The following VPS8 variants were observed in gnomAD, a reference collection of about 807,000 sequenced individuals.
The protein encoded by VPS8 is VPS8 subunit of CORVET complex.
Under a neutral mutation model 216.4 loss-of-function variants are expected in VPS8, and 129 were observed. The observed-to-expected ratio is 0.60, with a 90% CI of 0.52 to 0.69. VPS8 has a LOEUF of 0.69. VPS8 is among the 30% of genes least tolerant of loss of function. VPS8 has a pLI of 0.00. For missense variants in VPS8, 1,531 were observed against 1,683.5 expected, an observed-to-expected ratio of 0.91 and a Z score of 1.59; for synonymous variants, 571 against 565.4, an observed-to-expected ratio of 1.01 and a Z score of -0.14.
At chr3:184,994,169 CAGTT>C in intron 43 of VPS8, 106 bp downstream of exon 43, 1 of 780,936 alleles carries the variant, frequency 1.3e-6, no homozygotes, top group East Asian at 3.1e-5. Context: ...TATTTACTGG[CAGTT>C]AGGTAGACTG....
intron 40 of VPS8, among the ~76,000 whole-genome samples, chr3:184,980,514 T>C (rs1750025632): frequency 6.6e-6 from 1 of 152,182 alleles, no homozygotes; most frequent in Non-Finnish European, 1.5e-5. Context: ...TCTTTGTTTT[T>C]GCCTTTATTT....
intron 47 of VPS8, among the ~76,000 whole-genome samples, chr3:185,048,881 G>C (rs1271687278): frequency 6.6e-6 from 1 of 152,222 alleles, no homozygotes; most frequent in East Asian, 1.9e-4. Context: ...GATATGGATA[G>C]GTGCCCAATC....
intron 1 of VPS8, among the ~76,000 whole-genome samples, chr3:184,814,918 T>C (rs186204342): frequency 7.2e-5 from 11 of 152,372 alleles, no homozygotes; most frequent in African/African-American, 2.6e-4. Context: ...TAGCTTAAAA[T>C]ACAAACACAT....
At chr3:184,844,187 C>A (rs1316338634) in intron 8 of VPS8, among the ~76,000 whole-genome samples, 1 of 152,000 alleles carries the variant, frequency 6.6e-6, no homozygotes, top group Admixed American at 6.6e-5. Flanking sequence ...TTTAGGTGGC[C>A]GAGGTGGGCA....
intron 10 of VPS8, 120 bp downstream of exon 10, chr3:184,850,142 C>G: frequency 1.4e-6 from 1 of 725,934 alleles, no homozygotes. Context: ...TGAAGCTGAA[C>G]ATTACCTTAT....
At chr3:184,970,383 T>C (rs563557758) in intron 39 of VPS8, among the ~76,000 whole-genome samples, 3 of 152,294 alleles carry the variant, frequency 2.0e-5, no homozygotes, top group Non-Finnish European at 2.9e-5. Context: ...TAAAACCTTG[T>C]AGTACCAGTA....
chr3:184,836,523 T>C (rs1194116063), intron 5 of VPS8, among the ~76,000 whole-genome samples: 2 of 152,210 alleles, frequency 1.3e-5, no homozygotes, highest in African/African-American at 4.8e-5. Flanking sequence ...TTCTAATAAA[T>C]CCCAGAGTGT....
intron 28 of VPS8, among the ~76,000 whole-genome samples, chr3:184,919,841 T>A (rs1272518904): frequency 6.6e-6 from 1 of 152,176 alleles, no homozygotes; most frequent in Non-Finnish European, 1.5e-5. Context: ...TCATTAGTGT[T>A]ATCGCTCTCT....
chr3:184,812,250 C>G (rs1715276663), intron 1 of VPS8, 25 bp downstream of exon 1: 1 of 152,292 alleles, frequency 6.6e-6, no homozygotes, highest in Admixed American at 6.5e-5. Context: ...GAGAGCGGGC[C>G]CGTGGAAGGA....
chr3:184,953,901 G>A (rs1745141177), intron 36 of VPS8, among the ~76,000 whole-genome samples: 1 of 152,082 alleles, frequency 6.6e-6, no homozygotes, highest in African/African-American at 2.4e-5. Flanking sequence ...AAGTTGGTTG[G>A]GGAGCTTAGG....
intron 36 of VPS8, among the ~76,000 whole-genome samples, chr3:184,951,464 G>A (rs887360522): frequency 1.3e-5 from 2 of 150,008 alleles, no homozygotes; most frequent in Non-Finnish European, 3.0e-5. Flanking sequence ...CAGCCAGGAC[G>A]ACAGAGTGAG....
chr3:185,008,424 T>G (rs4686954), intron 45 of VPS8, among the ~76,000 whole-genome samples: 151,921 of 152,302 alleles, frequency 1, 75,772 homozygotes, highest in Non-Finnish European at 1. Flanking sequence ...CTATCATGTA[T>G]CTTGCCATCT....
intron 36 of VPS8, among the ~76,000 whole-genome samples, 171 bp downstream of exon 36, chr3:184,940,414 C>T (rs771752400): frequency 9.2e-5 from 14 of 151,896 alleles, no homozygotes; most frequent in African/African-American, 2.7e-4. Flanking sequence ...AAGATCTGAA[C>T]GATAGATTAT....
intron 21 of VPS8, among the ~76,000 whole-genome samples, chr3:184,871,106 G>A (rs1728259319): frequency 6.6e-6 from 1 of 151,822 alleles, no homozygotes; most frequent in African/African-American, 2.4e-5. Context: ...CATCCTGCTC[G>A]TCTAATATTT....
intron 37 of VPS8, among the ~76,000 whole-genome samples, chr3:184,962,761 G>GTGTGTGTGTGTGTGTGTGTGTT (rs1324151343): frequency 7.5e-5 from 7 of 93,012 alleles, no homozygotes; most frequent in African/African-American, 2.3e-4. Context: ...GTGTGTGTGT[G>GTGTGTGTGTGTGTGTGTGTGTT]TGTGTCTTAT....
intron 36 of VPS8, among the ~76,000 whole-genome samples, chr3:184,952,589 G>A (rs1034936424): frequency 6.6e-6 from 1 of 152,160 alleles, no homozygotes; most frequent in African/African-American, 2.4e-5. Context: ...GAGTAGCTAA[G>A]TATATATATT....
intron 38 of VPS8, 103 bp from the exon 39 acceptor site, chr3:184,966,568 G>C: frequency 3.0e-6 from 2 of 665,108 alleles, no homozygotes; most frequent in Admixed American, 6.5e-5. Context: ...TAATAACCTT[G>C]TAGTTTTGAG....
chr3:184,821,854 A>G (rs1717669141), intron 1 of VPS8, among the ~76,000 whole-genome samples: 1 of 152,078 alleles, frequency 6.6e-6, no homozygotes. Flanking sequence ...TGTATAGAGA[A>G]CAATGGAAAT....
chr3:184,962,366 AG>A (rs369671121), intron 37 of VPS8, among the ~76,000 whole-genome samples: 4 of 152,316 alleles, frequency 2.6e-5, no homozygotes, highest in African/African-American at 9.6e-5. Flanking sequence ...TATTCTCATC[AG>A]CAGTGTCTGA....
Sources: gnomAD v4.1 joint callset for allele counts (sites outside exome capture counted in the v4.1 genomes callset) on GRCh38, gnomAD v4.1.1 for gene constraint, MANE v1.5 for transcripts, NCBI Gene and HGNC (gene_info 2026-07-23, HGNC 2026-07-21) for gene names.